The following COP1 variants were observed in gnomAD, a reference collection of about 807,000 sequenced individuals.
The protein encoded by COP1 is E3 ubiquitin-protein ligase COP1.
COP1 carries 24 observed loss-of-function variants against 101.3 expected under a neutral mutation model. The observed-to-expected ratio is 0.24, with a 90% confidence interval of 0.17 to 0.33. COP1 has a LOEUF of 0.33. COP1 is among the 10% of genes least tolerant of loss of function. The pLI, the probability that COP1 is intolerant of heterozygous loss-of-function variation, is 1.00. For synonymous variants in COP1, 347 were observed against 341.9 expected, an observed-to-expected ratio of 1.01 and a Z score of -0.17; for missense variants, 663 against 906.2, an observed-to-expected ratio of 0.73 and a Z score of 3.45.
chr1:176,202,408 C>G (rs948586851), intron 1 of COP1, among the ~76,000 whole-genome samples: 7 of 151,936 alleles, frequency 4.6e-5, no homozygotes, highest in Non-Finnish European at 1.0e-4. Context: ...AGGATGGTCT[C>G]AAACTCCTGG....
At chr1:176,008,025 G>T (rs184196066) in intron 15 of COP1, among the ~76,000 whole-genome samples, 4 of 152,184 alleles carry the variant, frequency 2.6e-5, no homozygotes, top group African/African-American at 4.8e-5. Flanking sequence ...CTCGGAGCCA[G>T]GTGCGGGATA....
At chr1:176,006,583 T>G (rs1253002193) in intron 15 of COP1, among the ~76,000 whole-genome samples, 8 of 152,172 alleles carry the variant, frequency 5.3e-5, no homozygotes, top group Admixed American at 2.0e-4. Context: ...GTCTGTAAAG[T>G]ATTTTATTTC....
At chr1:176,205,101 T>C (rs766368677) in intron 1 of COP1, among the ~76,000 whole-genome samples, 1 of 152,214 alleles carries the variant, frequency 6.6e-6, no homozygotes, top group Non-Finnish European at 1.5e-5. Flanking sequence ...TTAGTGTACT[T>C]ACACGGAGGC....
chr1:176,206,983 A>T lies in COP1; in HGVS notation c.-5T>A. Reference sequence around the variant, plus strand: ...GGCCTGGCGGCTACCAGACATCGTGACTCCCTCCCCTCCAGCCGGGCGCTC... The same window carrying T: ...GGCCTGGCGGCTACCAGACATCGTGTCTCCCTCCCCTCCAGCCGGGCGCTC... On this transcript the variant is annotated 5_prime_UTR_variant, in exon 1 of 20. Transcript: ENST00000367669. The T allele has an allele frequency of 7.3e-7, 1 of 1,371,684 alleles. No individual in the cohort carries two copies. The highest frequency in any genetic ancestry group is 9.4e-7 in the Non-Finnish European group (1 of 1,066,424). The allele number at this position is 1,371,684 out of a possible 1,614,324, so 85.0% of individuals were successfully genotyped here.
intron 4 of COP1, among the ~76,000 whole-genome samples, chr1:176,163,314 A>G (rs564020473): frequency 6.6e-6 from 1 of 152,328 alleles, no homozygotes; most frequent in East Asian, 1.9e-4. Context: ...GTAGTAAGGT[A>G]TTAAGCTCAT....
intron 18 of COP1, among the ~76,000 whole-genome samples, chr1:175,959,682 A>T (rs1024795515): frequency 2.6e-5 from 4 of 152,126 alleles, no homozygotes; most frequent in African/African-American, 9.6e-5. Context: ...ATTTAGAAAA[A>T]TATGTTTATT....
intron 18 of COP1, among the ~76,000 whole-genome samples, chr1:175,959,919 G>A (rs186848527): frequency 6.6e-6 from 1 of 151,926 alleles, no homozygotes; most frequent in East Asian, 1.9e-4. Flanking sequence ...TTTCTATTTG[G>A]TGGTTATATC....
chr1:176,018,213 C>G (rs953985832), intron 15 of COP1, among the ~76,000 whole-genome samples: 11 of 152,156 alleles, frequency 7.2e-5, no homozygotes, highest in Non-Finnish European at 1.6e-4. Context: ...GATATACAAG[C>G]AATTGTGATA....
chr1:176,070,334 C>CTTTT (rs558421046), intron 11 of COP1, among the ~76,000 whole-genome samples: 1 of 138,702 alleles, frequency 7.2e-6, no homozygotes, highest in Non-Finnish European at 1.6e-5. Flanking sequence ...CTTGTGCTGC[C>CTTTT]TTTTTTTTTT....
At chr1:176,002,506 T>TCCCCCCCCCCCC (rs564925316) in intron 15 of COP1, among the ~76,000 whole-genome samples, 2 of 119,042 alleles carry the variant, frequency 1.7e-5, no homozygotes, top group African/African-American at 3.2e-5. Context: ...CCCTTCCCCT[T>TCCCCCCCCCCCC]CCCCCCCACC....
intron 3 of COP1, among the ~76,000 whole-genome samples, chr1:176,168,937 C>T (rs563305642): frequency 1.2e-4 from 19 of 152,174 alleles, no homozygotes; most frequent in Admixed American, 7.9e-4. Flanking sequence ...AAACCAAATC[C>T]ATCTTGAGTT....
chr1:176,157,516 T>G (rs768306384), intron 5 of COP1, among the ~76,000 whole-genome samples: 1 of 151,758 alleles, frequency 6.6e-6, no homozygotes, highest in Non-Finnish European at 1.5e-5. Flanking sequence ...GCAGCCAGAG[T>G]AGAAAAACCA....
At position 176,206,615 on chromosome 1, in the gene COP1, C is replaced by G; in HGVS notation, c.364G>C (p.Gly122Arg). 2 of 1,612,114 alleles carry G rather than the reference C, an allele frequency of 1.2e-6. No individual in the cohort carries two copies. The highest frequency in any genetic ancestry group is 1.7e-6 in the Non-Finnish European group (2 of 1,179,980). Residue 122 changes from glycine (G) to arginine (R), a missense_variant, in exon 1 of 20, where the codon GGG (glycine) becomes CGG (arginine). By Grantham distance (125) the Gly-to-Arg change is moderately radical (BLOSUM62 -2). Transcript: ENST00000367669. ...TTGTCCTCGTAGGAGTTGATGAGCC[C>G]GTTGCAGAGGGGGGCGAGGAGAGGT... ...KRPLLAPLCN[G>R]LINSYEDKSN...
chr1:176,030,284 G>A (rs1238807982), intron 14 of COP1, among the ~76,000 whole-genome samples: 3 of 152,158 alleles, frequency 2.0e-5, no homozygotes, highest in African/African-American at 7.2e-5. Context: ...GGAATTAAAA[G>A]TCAACATGCC....
chr1:176,183,630 G>C (rs1273821166), intron 2 of COP1, among the ~76,000 whole-genome samples: 1 of 152,122 alleles, frequency 6.6e-6, no homozygotes, highest in African/African-American at 2.4e-5. Context: ...TGAAAGCAGA[G>C]TCCTAAAGAG....
chr1:176,179,652 G>GC (rs112186374), intron 2 of COP1, among the ~76,000 whole-genome samples: 6 of 152,036 alleles, frequency 3.9e-5, no homozygotes, highest in African/African-American at 1.5e-4. Context: ...CAGGAGGATT[G>GC]CTTGAGCCCA....
rs145354415 is a variant in COP1 at position 176,099,505 on chromosome 1, G to GTCTCTCTCTC, written c.1027-13625_1027-13616dup. ...TGTGAAAAAAATTTGGAGCATATTT[G>GTCTCTCTCTC]TCTCTCTCTCTCTCTCTCTCTCTCT... On this transcript the variant is annotated intron_variant, in intron 9 of 19. Coordinates refer to ENST00000367669, the MANE Select transcript of COP1 (RefSeq NM_022457.7). 1.1e-3 allele frequency among the ~76,000 whole-genome samples: 155 copies of GTCTCTCTCTC among 143,898 alleles called. 1 individual carries two copies. Among genetic ancestry groups the GTCTCTCTCTC allele is most frequent in the African/African-American group, 3.4e-3 (133 of 39,080 alleles). The allele number at this position is 143,898 out of a possible 152,430, so 94.4% of individuals were successfully genotyped here. A position where few individuals can be genotyped will look rare whatever the true frequency, so the allele number is the denominator to read the frequency against.
intron 11 of COP1, among the ~76,000 whole-genome samples, chr1:176,057,255 A>G (rs1342788054): frequency 6.6e-6 from 1 of 152,210 alleles, no homozygotes; most frequent in African/African-American, 2.4e-5. Context: ...CATGAGTGAT[A>G]TGCTTTGCTA....
At chr1:175,948,240 AG>A (rs1368611667) in intron 18 of COP1, among the ~76,000 whole-genome samples, 1 of 152,226 alleles carries the variant, frequency 6.6e-6, no homozygotes. Flanking sequence ...CTCAGAAAGT[AG>A]GAAGAATGGA....
Sources: gnomAD v4.1 joint callset for allele counts (sites outside exome capture counted in the v4.1 genomes callset) on GRCh38, gnomAD v4.1.1 for gene constraint, MANE v1.5 for transcripts, NCBI Gene and HGNC (gene_info 2026-07-23, HGNC 2026-07-21) for gene names.